The following CSMD1 variants were observed in gnomAD, a reference collection of about 807,000 sequenced individuals.
CSMD1 encodes CUB and Sushi multiple domains 1.
A neutral mutation model predicts 417.5 loss-of-function variants in CSMD1; 213 were observed. The observed-to-expected ratio is 0.51, with a 90% CI of 0.46 to 0.57. The LOEUF (loss-of-function observed/expected upper bound fraction) is 0.57, where lower values mean the gene tolerates loss of function less well. Ranked by LOEUF, CSMD1 falls within the 20% of genes least tolerant of loss-of-function variation. CSMD1 has a pLI of 0.00. For missense variants in CSMD1, 6,923 were observed against 4,529.7 expected (o/e 1.53, Z -15.17); for synonymous variants, 2,862 against 1,736.8 (o/e 1.65, Z -16.11).
chr8:3,867,682 A>C (rs137988069), intron 5 of CSMD1, among the ~76,000 whole-genome samples: 1 of 152,276 alleles, frequency 6.6e-6, no homozygotes, highest in African/African-American at 2.4e-5. Flanking sequence ...AGAAACCTAG[A>C]ACCATGTACT....
chr8:3,928,994 G>C (rs1476903776), intron 5 of CSMD1, among the ~76,000 whole-genome samples: 1 of 150,456 alleles, frequency 6.6e-6, no homozygotes, highest in Non-Finnish European at 1.5e-5. Context: ...CATTGTATAA[G>C]AAATCTTACC....
intron 28 of CSMD1, among the ~76,000 whole-genome samples, chr8:3,221,486 T>A (rs1404920434): frequency 6.6e-6 from 1 of 152,084 alleles, no homozygotes; most frequent in African/African-American, 2.4e-5. Flanking sequence ...TAATTATCAT[T>A]ATTGGTAATT....
chr8:4,075,002 G>A (rs541029330), intron 3 of CSMD1, among the ~76,000 whole-genome samples: 10 of 152,200 alleles, frequency 6.6e-5, no homozygotes, highest in African/African-American at 2.4e-4. Flanking sequence ...TACAAATGGG[G>A]ACATGCCTGT....
At chr8:4,476,582 C>G (rs1454707546) in intron 2 of CSMD1, among the ~76,000 whole-genome samples, 1 of 152,112 alleles carries the variant, frequency 6.6e-6, no homozygotes, top group Non-Finnish European at 1.5e-5. Context: ...TCAAATAGGT[C>G]TCCACAACAC....
intron 23 of CSMD1, among the ~76,000 whole-genome samples, chr8:3,332,651 C>A (rs1170708118): frequency 6.6e-6 from 1 of 152,182 alleles, no homozygotes; most frequent in Non-Finnish European, 1.5e-5. Flanking sequence ...TACTTTATGT[C>A]TTCAAGTGTG....
In CSMD1 at chr8:3,159,361, T is replaced by C. The variant is rs894593152; in HGVS notation, c.5845-1395A>G. Among the ~76,000 whole-genome samples the C allele has an allele frequency of 2.0e-5, 3 of 152,312 alleles. No homozygotes were observed. In the East Asian group the frequency reaches 5.8e-4, roughly 29 times the overall value. On this transcript the variant is annotated intron_variant, in intron 38 of 69. Transcript: ENST00000635120. ...TTACTAGTTTTTACACCAATGGGAA[T>C]TTTCTTTTTTATGTTTAAAAAGACC...
rs1811218132 is a variant in CSMD1, at chr8:3,389,512, A to C, written c.2594-1830T>G. On this transcript the variant is annotated intron_variant, in intron 17 of 69. Transcript: ENST00000635120. The stretch of plus-strand genomic sequence containing the variant: ...GATCTCTAGGTTTCTGGGGAAAAAA[A>C]ACAGTTAACTAAATAATTTCATTTC... 2.0e-5 allele frequency among the ~76,000 whole-genome samples: 3 copies of C among 152,218 alleles called. No individual in the cohort carries two copies. The South Asian group carries it at 6.2e-4, about 32-fold the overall frequency.
intron 3 of CSMD1, among the ~76,000 whole-genome samples, chr8:4,095,405 A>G (rs529719248): frequency 2.0e-5 from 3 of 152,134 alleles, no homozygotes; most frequent in Non-Finnish European, 2.9e-5. Context: ...AAAAAAGAAA[A>G]AAAAATGACA....
chr8:3,508,182 C>A (rs1451899163), intron 10 of CSMD1, among the ~76,000 whole-genome samples: 1 of 152,108 alleles, frequency 6.6e-6, no homozygotes, highest in Non-Finnish European at 1.5e-5. Flanking sequence ...AATGACCAAC[C>A]TCCTTGTCTC....
chr8:3,920,628 T>G (rs1185318504), intron 5 of CSMD1, among the ~76,000 whole-genome samples: 1 of 152,160 alleles, frequency 6.6e-6, no homozygotes, highest in Non-Finnish European at 1.5e-5. Context: ...TATATGACCT[T>G]TATTATGTTG....
rs988602595 is a variant in CSMD1 at position 4,145,783 on chromosome 8, C to T, written c.416-113684G>A. 7.9e-5 allele frequency among the ~76,000 whole-genome samples: 12 copies of T among 151,000 alleles called. 1 individual carries two copies. Among genetic ancestry groups the T allele is most frequent in the African/African-American group, 3.0e-4 (12 of 40,354 alleles). On this transcript the variant is annotated intron_variant, in intron 3 of 69. Coordinates refer to ENST00000635120, the MANE Select transcript of CSMD1 (RefSeq NM_033225.6). ...CCTGCAGGTTCTGCGTCAGCTCGCA[C>T]CATGAAGAGTTTTTCTGTATGAGGA...
intron 6 of CSMD1, among the ~76,000 whole-genome samples, chr8:3,715,999 T>C (rs1304869801): frequency 1.3e-5 from 2 of 152,230 alleles, no homozygotes; most frequent in African/African-American, 4.8e-5. Flanking sequence ...CATTCTCTCT[T>C]AAATCTCATC....
chr8:4,720,800 T>A (rs1322604032), intron 1 of CSMD1, among the ~76,000 whole-genome samples: 1 of 152,098 alleles, frequency 6.6e-6, no homozygotes, highest in Non-Finnish European at 1.5e-5. Flanking sequence ...TAGAATTCCA[T>A]CTAAAGATCA....
At chr8:4,803,536 T>G (rs559877002) in intron 1 of CSMD1, among the ~76,000 whole-genome samples, 4 of 152,154 alleles carry the variant, frequency 2.6e-5, no homozygotes, top group Non-Finnish European at 5.9e-5. Flanking sequence ...AGAGACAAAT[T>G]TGACTGTAAA....
intron 1 of CSMD1, among the ~76,000 whole-genome samples, chr8:4,948,509 A>C (rs1292452855): frequency 6.6e-6 from 1 of 152,028 alleles, no homozygotes; most frequent in Non-Finnish European, 1.5e-5. Flanking sequence ...GACCTTCATT[A>C]AAGTTTCATA....
At chr8:4,417,204 G>C (rs1462832343) in intron 3 of CSMD1, among the ~76,000 whole-genome samples, 1 of 152,130 alleles carries the variant, frequency 6.6e-6, no homozygotes, top group Middle Eastern at 3.4e-3. Flanking sequence ...AAATTTATCA[G>C]TGTTCCCACT....
intron 23 of CSMD1, among the ~76,000 whole-genome samples, chr8:3,341,056 A>G (rs1045928383): frequency 2.0e-5 from 3 of 152,222 alleles, no homozygotes; most frequent in African/African-American, 7.2e-5. Flanking sequence ...AGCTTTTACA[A>G]AGTTACTCAG....
chr8:3,998,135 A>G, intron 4 of CSMD1, 25 bp from the exon 5 acceptor site: 1 of 1,541,014 alleles, frequency 6.5e-7, no homozygotes, highest in Non-Finnish European at 8.8e-7. Context: ...GCAGAAAGAA[A>G]GCATCACATT....
intron 2 of CSMD1, among the ~76,000 whole-genome samples, chr8:4,585,866 C>A (rs73500570): frequency 0.055 from 8,321 of 152,032 alleles, 270 homozygotes; most frequent in East Asian, 0.099. Flanking sequence ...TGAAAGCATG[C>A]AGGTAAAGAT....
Sources: allele counts gnomAD v4.1 joint callset (sites outside exome capture counted in the v4.1 genomes callset), GRCh38; gene constraint gnomAD v4.1.1; transcripts MANE v1.5; gene names NCBI Gene and HGNC (gene_info 2026-07-23, HGNC 2026-07-21).